The following FANK1 variants were observed in gnomAD, a reference collection of about 807,000 sequenced individuals.
FANK1 encodes the protein fibronectin type 3 and ankyrin repeat domains protein 1.
In FANK1, 44 loss-of-function variants were observed where a neutral mutation model predicts 45.3. The observed-to-expected ratio is 0.97, with a 90% CI of 0.76 to 1.25. FANK1 has a LOEUF of 1.25. Ranked by LOEUF, FANK1 falls within the 50% of genes most tolerant of loss-of-function variation. FANK1 has a pLI of 0.00. For missense variants in FANK1, 391 were observed against 424.4 expected, an observed-to-expected ratio of 0.92 and a Z score of 0.69; for synonymous variants, 149 against 152.5, an observed-to-expected ratio of 0.98 and a Z score of 0.17.
intron 1 of FANK1, among the ~76,000 whole-genome samples, chr10:125,905,777 T>C (rs1945451878): frequency 6.6e-6 from 1 of 152,282 alleles, no homozygotes; most frequent in South Asian, 2.1e-4. Context: ...CCCTCTATTT[T>C]CTCTTAAAAG....
intron 1 of FANK1, among the ~76,000 whole-genome samples, chr10:125,897,122 C>T (rs1370025170): frequency 6.8e-6 from 1 of 147,424 alleles, no homozygotes; most frequent in Non-Finnish European, 1.5e-5. Context: ...CTCCCCGCCC[C>T]CCGCCCCACA....
chr10:125,941,679 A>G (rs929059969), intron 1 of FANK1, among the ~76,000 whole-genome samples: 4 of 152,238 alleles, frequency 2.6e-5, no homozygotes, highest in Non-Finnish European at 5.9e-5. Context: ...ACATTATGGT[A>G]TATTCACATG....
chr10:125,946,553 A>G (rs1948815376), intron 1 of FANK1, among the ~76,000 whole-genome samples: 1 of 151,770 alleles, frequency 6.6e-6, no homozygotes, highest in Non-Finnish European at 1.5e-5. Context: ...AGGGAAGTTT[A>G]GAGAAAAAAG....
At chr10:125,950,463 A>G (rs1381295588) in intron 1 of FANK1, among the ~76,000 whole-genome samples, 1 of 151,870 alleles carries the variant, frequency 6.6e-6, no homozygotes, top group Non-Finnish European at 1.5e-5. Flanking sequence ...GAAGGACATG[A>G]ACAGACACTT....
At chr10:125,962,253 A>G (rs1949973117) in intron 1 of FANK1, among the ~76,000 whole-genome samples, 1 of 152,146 alleles carries the variant, frequency 6.6e-6, no homozygotes, top group Non-Finnish European at 1.5e-5. Context: ...TGCACCCACC[A>G]TAGCTGCTTC....
chr10:125,920,442 A>T (rs1946864344), intron 1 of FANK1, among the ~76,000 whole-genome samples: 1 of 152,058 alleles, frequency 6.6e-6, no homozygotes, highest in Non-Finnish European at 1.5e-5. Context: ...ATTTACAGAG[A>T]TTTTTTTCTT....
chr10:125,975,345 C>T (rs892597133), intron 1 of FANK1, among the ~76,000 whole-genome samples: 2 of 152,174 alleles, frequency 1.3e-5, no homozygotes, highest in Non-Finnish European at 2.9e-5. Context: ...GGTTTATATT[C>T]CTCTGGGTAT....
At chr10:125,987,039 G>A (rs1274428169) in intron 2 of FANK1, among the ~76,000 whole-genome samples, 2 of 152,182 alleles carry the variant, frequency 1.3e-5, no homozygotes, top group Non-Finnish European at 2.9e-5. Flanking sequence ...CAGATCTGAA[G>A]TCAGGTTTTC....
chr10:125,987,546 CA>C (rs1214745227), intron 2 of FANK1, among the ~76,000 whole-genome samples: 49 of 152,098 alleles, frequency 3.2e-4, no homozygotes, highest in Admixed American at 1.8e-3. Context: ...CACACACACA[CA>C]CCCTCTCAAA....
intron 1 of FANK1, among the ~76,000 whole-genome samples, chr10:125,929,426 A>T (rs1316380656): frequency 6.6e-6 from 1 of 152,182 alleles, no homozygotes; most frequent in Admixed American, 6.5e-5. Flanking sequence ...AGACAACAGC[A>T]TTCCTCCTGG....
intron 2 of FANK1, among the ~76,000 whole-genome samples, chr10:125,984,914 G>T (rs10901496): frequency 4.6e-5 from 7 of 152,032 alleles, no homozygotes; most frequent in Non-Finnish European, 8.8e-5. Context: ...CTTCTCCATG[G>T]GTTCAATGAA....
chr10:125,939,345 T>C (rs1275474492), intron 1 of FANK1, among the ~76,000 whole-genome samples: 8 of 152,216 alleles, frequency 5.3e-5, no homozygotes, highest in African/African-American at 1.4e-4. Flanking sequence ...TTCGATAATA[T>C]TAAGTCAAGC....
chr10:125,986,698 T>C (rs73370543), intron 2 of FANK1, among the ~76,000 whole-genome samples: 2,537 of 152,298 alleles, frequency 0.017, 75 homozygotes, highest in African/African-American at 0.055. Flanking sequence ...ATTTCTCACT[T>C]GACATCAGAG....
chr10:125,909,245 C>T (rs7478313), intron 1 of FANK1, among the ~76,000 whole-genome samples: 118,667 of 152,116 alleles, frequency 0.78, 46,682 homozygotes, highest in East Asian at 0.83. Context: ...AGGTCAGCCA[C>T]ATTTAATATG....
chr10:125,952,816 C>T (rs868574331), intron 1 of FANK1, among the ~76,000 whole-genome samples: 5 of 110,492 alleles, frequency 4.5e-5, no homozygotes, highest in Admixed American at 8.7e-5. Flanking sequence ...CACACACACA[C>T]ACACACACAC....
At chr10:125,976,119 A>T (rs1392724896) in intron 1 of FANK1, among the ~76,000 whole-genome samples, 4 of 145,684 alleles carry the variant, frequency 2.7e-5, no homozygotes, top group African/African-American at 5.1e-5. Flanking sequence ...TTGGTTGAAG[A>T]TTTTTTTTTT....
At chr10:125,967,179 T>G (rs568578224) in intron 1 of FANK1, among the ~76,000 whole-genome samples, 1 of 152,324 alleles carries the variant, frequency 6.6e-6, no homozygotes, top group Non-Finnish European at 1.5e-5. Flanking sequence ...TTGTTGTGAT[T>G]TATGCATGTG....
chr10:125,901,733 C>A (rs1945052925), intron 1 of FANK1, among the ~76,000 whole-genome samples: 1 of 152,258 alleles, frequency 6.6e-6, no homozygotes, highest in Non-Finnish European at 1.5e-5. Context: ...CCTTCCCTGG[C>A]TTCCTAAAGT....
At chr10:125,909,260 A>G (rs899188037) in intron 1 of FANK1, among the ~76,000 whole-genome samples, 1 of 152,190 alleles carries the variant, frequency 6.6e-6, no homozygotes, top group Admixed American at 6.5e-5. Context: ...AATATGAGAG[A>G]GAACTACACA....
Sources: allele counts gnomAD v4.1 joint callset (sites outside exome capture counted in the v4.1 genomes callset), GRCh38; gene constraint gnomAD v4.1.1; transcripts MANE v1.5; gene names NCBI Gene and HGNC (gene_info 2026-07-23, HGNC 2026-07-21).